The following CPS1 variants were observed in gnomAD, a reference collection of about 807,000 sequenced individuals.
CPS1 encodes carbamoyl-phosphate synthase [ammonia], mitochondrial.
A neutral mutation model predicts 174.6 loss-of-function variants in CPS1; 109 were observed. That is an observed-to-expected ratio of 0.62 (90% confidence interval 0.53 to 0.73). CPS1 has a LOEUF of 0.73. Among genes scored for constraint, CPS1 ranks in the 30% least tolerant of loss-of-function variants. The pLI is 0.00. For synonymous variants in CPS1, 637 were observed against 632.0 expected, an observed-to-expected ratio of 1.01 and a Z score of -0.12; for missense variants, 1,689 against 1,821.9, an observed-to-expected ratio of 0.93 and a Z score of 1.33.
At chr2:210,659,814 A>G (rs1700856105) in intron 31 of CPS1, among the ~76,000 whole-genome samples, 1 of 152,180 alleles carries the variant, frequency 6.6e-6, no homozygotes, top group African/African-American at 2.4e-5. Flanking sequence ...GAGAGAACGT[A>G]TTTGCCAGTG....
intron 28 of CPS1, among the ~76,000 whole-genome samples, chr2:210,653,158 T>C (rs957001650): frequency 6.6e-6 from 1 of 151,970 alleles, no homozygotes; most frequent in South Asian, 2.1e-4. Context: ...GGAGAAAAGA[T>C]AGAATACACG....
chr2:210,562,512 A>G (rs1351812322), intron 1 of CPS1, among the ~76,000 whole-genome samples: 1 of 152,218 alleles, frequency 6.6e-6, no homozygotes, highest in Non-Finnish European at 1.5e-5. Context: ...GAATAAAAGA[A>G]TAAGATTTCA....
chr2:210,606,870 A>G lies in CPS1; in HGVS notation c.2121A>G (p.Ser707=). The change falls in exon 18 of 38, where the codon TCA becomes TCG. Residue 707 remains serine, a synonymous_variant. Transcript: ENST00000233072. ...CNIQFALHPT[S]MEYCIIEVNA... ...TTCAGTTTGCCCTTCATCCTACCTC[A>G]ATGGAATACTGCATCATTGAAGTGA... is the stretch of plus-strand genomic sequence containing the variant. 1 of 1,612,672 alleles carries G rather than the reference A, an allele frequency of 6.2e-7. No individual in the cohort carries two copies. The highest frequency in any genetic ancestry group is 1.1e-5 in the South Asian group (1 of 91,070).
At chr2:210,528,974 T>A (rs1559063312) in intron 1 of CPS1, among the ~76,000 whole-genome samples, 1 of 151,816 alleles carries the variant, frequency 6.6e-6, no homozygotes, top group Non-Finnish European at 1.5e-5. Context: ...AAGTTTGGAA[T>A]GTGGAGTGCT....
intron 1 of CPS1, among the ~76,000 whole-genome samples, chr2:210,542,549 C>G (rs964350750): frequency 6.6e-6 from 1 of 151,994 alleles, no homozygotes; most frequent in Non-Finnish European, 1.5e-5. Flanking sequence ...AAACGTCCCC[C>G]CTCCTAACAA....
chr2:210,478,277 C>T (rs1050044651), intron 1 of CPS1, among the ~76,000 whole-genome samples: 1 of 152,228 alleles, frequency 6.6e-6, no homozygotes, highest in Non-Finnish European at 1.5e-5. Flanking sequence ...CATCTCCTCT[C>T]CAACACTTGG....
At chr2:210,561,476 G>T (rs1197068748) in intron 1 of CPS1, among the ~76,000 whole-genome samples, 4 of 152,164 alleles carry the variant, frequency 2.6e-5, no homozygotes, top group African/African-American at 9.7e-5. Context: ...TATGGAAATG[G>T]AGACTATTCC....
At chr2:210,599,327 C>T in intron 13 of CPS1, 45 bp from the exon 14 acceptor site, 2 of 1,572,170 alleles carry the variant, frequency 1.3e-6, no homozygotes, top group Non-Finnish European at 1.7e-6. Flanking sequence ...TCATTCTCTT[C>T]TTTAGACCAT....
chr2:210,648,986 G>T (rs138573205), intron 27 of CPS1, among the ~76,000 whole-genome samples: 159 of 152,288 alleles, frequency 1.0e-3, no homozygotes, highest in African/African-American at 3.5e-3. Context: ...TAAATTATAA[G>T]GGTGAGGAAC....
At position 210,519,698 on chromosome 2, in the gene CPS1, A is replaced by G. The variant is rs1019826100; in HGVS notation, c.4-37021A>G. ...ACGTGACCCAAGCCCCACCAGTCAGACAAACCCAATTGAAACTTTAGTTCA... is the reference window on the plus strand; with the variant it reads ...ACGTGACCCAAGCCCCACCAGTCAGGCAAACCCAATTGAAACTTTAGTTCA... On this transcript the variant is annotated intron_variant, in intron 1 of 38. Coordinates refer to the CPS1 transcript ENST00000430249. The G allele has an allele frequency of 1.7e-5, 17 of 977,128 alleles. No individual in the cohort carries two copies. In the Admixed American group the frequency reaches 6.8e-4, roughly 39 times the overall value. The allele number at this position is 977,128 out of a possible 1,614,324, so 60.5% of individuals were successfully genotyped here.
rs777691939 is a variant in CPS1 at position 210,647,996 on chromosome 2, TCTCAGCTGTCTTG to T, written c.3276_3288del (p.Phe1092LeufsTer4). Reference sequence around the variant, plus strand: ...GACAGGGCTGAGGATCGCTCCATCTTCTCAGCTGTCTTGGATGAGCTGAAGGTGGCTCAGGCAC... The same window carrying T: ...GACAGGGCTGAGGATCGCTCCATCTTGATGAGCTGAAGGTGGCTCAGGCAC... On this transcript the variant is annotated frameshift_variant, in exon 26 of 38. Coordinates refer to ENST00000233072, the MANE Select transcript of CPS1 (RefSeq NM_001875.5). LOFTEE classifies it high-confidence loss of function. The T allele has an allele frequency of 8.7e-6, 14 of 1,614,046 alleles. No individual in the cohort carries two copies. Among genetic ancestry groups the T allele is most frequent in the Non-Finnish European group, 1.2e-5 (14 of 1,179,942 alleles).
upstream of CPS1, among the ~76,000 whole-genome samples, chr2:210,554,049 A>G (rs1696798533): frequency 6.7e-6 from 1 of 149,814 alleles, no homozygotes; most frequent in South Asian, 2.1e-4. Flanking sequence ...GACTAAAGAC[A>G]TGGACCATAA....
At chr2:210,514,445 T>C (rs1695617102) in intron 1 of CPS1, among the ~76,000 whole-genome samples, 1 of 151,896 alleles carries the variant, frequency 6.6e-6, no homozygotes, top group Admixed American at 6.6e-5. Flanking sequence ...GTAGCTATTG[T>C]AAATGAGACT....
At chr2:210,603,618 T>G (rs1462228282) in intron 16 of CPS1, among the ~76,000 whole-genome samples, 1 of 151,888 alleles carries the variant, frequency 6.6e-6, no homozygotes, top group Non-Finnish European at 1.5e-5. Flanking sequence ...TCTATTAATT[T>G]TTTTACTCTA....
At chr2:210,632,155 GT>G (rs1245044352) in intron 21 of CPS1, among the ~76,000 whole-genome samples, 1 of 152,008 alleles carries the variant, frequency 6.6e-6, no homozygotes, top group Non-Finnish European at 1.5e-5. Flanking sequence ...TTATAGCCTT[GT>G]TTTGAAAATA....
chr2:210,612,241 T>G lies in CPS1; in HGVS notation c.2516T>G (p.Leu839Arg), dbSNP rs199826680. Residue 839 changes from leucine (L) to arginine (R), a missense_variant, in exon 20 of 38, where the codon CTT becomes CGT. Coordinates refer to ENST00000233072, the MANE Select transcript of CPS1 (RefSeq NM_001875.5). ...MNKEWPSNLD[L>R]RKELSEPSST... The stretch of plus-strand genomic sequence containing the variant: ...AAAGAATGGCCATCTAATTTAGATC[T>G]TAGAAAAGAGTTGTCTGAACCAAGC... 2 of 1,612,260 alleles carry G rather than the reference T, an allele frequency of 1.2e-6. No individual in the cohort carries two copies.
At chr2:210,609,017 A>G (rs1255974141) in intron 19 of CPS1, among the ~76,000 whole-genome samples, 2 of 151,910 alleles carry the variant, frequency 1.3e-5, no homozygotes, top group Non-Finnish European at 2.9e-5. Flanking sequence ...CTCATTCCCC[A>G]CATCTATAAA....
intron 1 of CPS1, among the ~76,000 whole-genome samples, chr2:210,514,930 G>A (rs1472667249): frequency 2.0e-5 from 3 of 151,020 alleles, no homozygotes; most frequent in Non-Finnish European, 1.5e-5. Flanking sequence ...TTTATCTAAA[G>A]CTTTTTCTAC....
chr2:210,554,190 CACAT>C (rs796871306), upstream of CPS1, among the ~76,000 whole-genome samples: 11 of 123,110 alleles, frequency 8.9e-5, no homozygotes, highest in African/African-American at 3.2e-4. Context: ...TATACACACA[CACAT>C]ATATATATGT....
Sources: allele counts gnomAD v4.1 joint callset (sites outside exome capture counted in the v4.1 genomes callset), GRCh38; gene constraint gnomAD v4.1.1; transcripts MANE v1.5; gene names NCBI Gene and HGNC (gene_info 2026-07-23, HGNC 2026-07-21).